ZNF318: variants seen among roughly 807,000 people sequenced by gnomAD.
The protein encoded by ZNF318 is endocrine regulator.
ZNF318 carries 51 observed loss-of-function variants against 124.2 expected under a neutral mutation model. The ratio of observed to expected loss-of-function variants is 0.41; its 90% CI spans 0.33 to 0.52. The LOEUF is 0.52. ZNF318 is among the 20% of genes least tolerant of loss of function. The pLI, the probability that ZNF318 is intolerant of heterozygous loss-of-function variation, is 0.23. For synonymous variants in ZNF318, 1,090 were observed against 1,040.7 expected, an observed-to-expected ratio of 1.05 and a Z score of -0.91; for missense variants, 2,815 against 2,811.2, an observed-to-expected ratio of 1.00 and a Z score of -0.03.
chr6:43,359,076 T>C (rs903971953), intron 2 of ZNF318, among the ~76,000 whole-genome samples: 9 of 152,218 alleles, frequency 5.9e-5, no homozygotes, highest in African/African-American at 1.9e-4. Flanking sequence ...AAACTACTGA[T>C]TTATCTAATT....
intron 4 of ZNF318, among the ~76,000 whole-genome samples, chr6:43,354,104 T>A (rs111628443): frequency 6.7e-6 from 1 of 150,332 alleles, no homozygotes; most frequent in African/African-American, 2.4e-5. Flanking sequence ...TACACACACA[T>A]ACACACACAC....
chr6:43,339,651 A>T lies in ZNF318; in HGVS notation c.4347T>A (p.Pro1449=), dbSNP rs777695132. ...QILPPPPPPP[P]PPPPPPPVIP... ...TAACGGGGGGTGGTGGAGGTGGTGG[A>T]GGTGGGGGTGGTGGAGGAGGTGGTA... The change falls in exon 10 of 10, where the codon CCT becomes CCA. Residue 1449 remains proline, a synonymous_variant. Transcript: ENST00000361428. This position sits in a 1 kb window ranked among gnomAD's most constrained non-coding sequence, Gnocchi z 4.2. The T allele has an allele frequency of 6.0e-4, 349 of 579,428 alleles. 1 individual carries two copies. Among genetic ancestry groups the T allele is most frequent in the Non-Finnish European group, 9.4e-4 (334 of 356,792 alleles). The allele number at this position is 579,428 out of a possible 1,614,324, so 35.9% of individuals were successfully genotyped here.
rs1699866996 is a variant in ZNF318 at position 43,336,148 on chromosome 6, T to C, written c.*1010A>G. On this transcript the variant is annotated 3_prime_UTR_variant, in exon 10 of 10. Transcript: ENST00000361428. ...TTGTCCAAGCCAACTCATAAATTCT[T>C]TAATCTTTTTAACAAAATATACAAC... The C allele has an allele frequency of 6.6e-6, 1 of 152,650 alleles. No homozygotes were observed. The highest frequency in any genetic ancestry group is 6.5e-5 in the Admixed American group (1 of 15,280). The allele number at this position is 152,650 out of a possible 1,614,324, so 9.5% of individuals were successfully genotyped here.
At chr6:43,361,692 A>AT (rs948476134) in intron 2 of ZNF318, among the ~76,000 whole-genome samples, 1 of 152,196 alleles carries the variant, frequency 6.6e-6, no homozygotes. Context: ...GTGTTTTAGA[A>AT]TTTTTCACAT....
chr6:43,355,220 A>G lies in ZNF318; in HGVS notation c.2114T>C (p.Leu705Pro). 1 of 1,614,150 alleles carries G rather than the reference A, an allele frequency of 6.2e-7. No homozygotes were observed. The highest frequency in any genetic ancestry group is 8.5e-7 in the Non-Finnish European group (1 of 1,180,018). Reference protein sequence around the residue: ...HPPSPVDPYLLTKNSPPFLKS... With the variant: ...HPPSPVDPYLPTKNSPPFLKS... ...TAGGAATGGAGGGCTGTTTTTTGTG[A>G]GCAGGTAAGGATCCACAGGAGAAGG... is the stretch of plus-strand genomic sequence containing the variant. The change falls in exon 4 of 10, where the codon CTC becomes CCC. Residue 705 changes from leucine to proline, a missense_variant. Leu to Pro is a moderately conservative substitution (Grantham distance 98). Around this residue, in one of 4 missense-constraint regions of ZNF318, gnomAD observed 1,377 missense variants for 1,353.5 expected, o/e 1.02. Coordinates refer to ENST00000361428, the MANE Select transcript of ZNF318 (RefSeq NM_014345.3).
At chr6:43,350,298 G>A (rs1433374542) in intron 5 of ZNF318, among the ~76,000 whole-genome samples, 1 of 152,022 alleles carries the variant, frequency 6.6e-6, no homozygotes, top group East Asian at 1.9e-4. Context: ...AAAAACGATG[G>A]AGACATATTG....
chr6:43,337,083 C>T lies in ZNF318; in HGVS notation c.*75G>A. 1.5e-6 allele frequency: 2 copies of T among 1,364,188 alleles called. No homozygotes were observed. Among genetic ancestry groups the T allele is most frequent in the Non-Finnish European group, 2.0e-6 (2 of 1,020,156 alleles). 84.5% of individuals were successfully genotyped at this position (1,364,188 alleles called of 1,614,324 possible). On this transcript the variant is annotated 3_prime_UTR_variant, in exon 10 of 10. Coordinates refer to ENST00000361428, the MANE Select transcript of ZNF318 (RefSeq NM_014345.3). ...TGTAGGTTCCAGATGAGATAACAAACTAGTCTTGGATCATCTGGGCATCTG... is the reference window on the plus strand; with the variant it reads ...TGTAGGTTCCAGATGAGATAACAAATTAGTCTTGGATCATCTGGGCATCTG...
At position 43,337,834 on chromosome 6, in the gene ZNF318, T is replaced by TTACA; in HGVS notation, c.6160_6163dup (p.Asn2055MetfsTer2). The TTACA allele has an allele frequency of 6.2e-7, 1 of 1,614,152 alleles. No individual in the cohort carries two copies. The highest frequency in any genetic ancestry group is 8.5e-7 in the Non-Finnish European group (1 of 1,180,020). ...TTCGAAGTCAGCGGGATCGGAGGAATTACACCCTATAGGTGATACAGAATT... is the reference window on the plus strand; with the variant it reads ...TTCGAAGTCAGCGGGATCGGAGGAATTACATACACCCTATAGGTGATACAGAATT... On this transcript the variant is annotated stop_gained and frameshift_variant, in exon 10 of 10. Transcript: ENST00000361428. LOFTEE classifies it high-confidence loss of function.
chr6:43,364,013 A>G (rs959037911), intron 2 of ZNF318: 7 of 742,232 alleles, frequency 9.4e-6, no homozygotes, highest in Non-Finnish European at 1.7e-5. Flanking sequence ...CCTGCGCCCA[A>G]GGGCACTGGC....
intron 2 of ZNF318, among the ~76,000 whole-genome samples, chr6:43,360,399 A>T (rs1779664653): frequency 6.6e-6 from 1 of 152,230 alleles, no homozygotes; most frequent in Non-Finnish European, 1.5e-5. Flanking sequence ...AAGAACCCTA[A>T]AAAGGGTACA....
chr6:43,342,983 C>T, intron 6 of ZNF318, 104 bp from the exon 7 acceptor site: 1 of 874,140 alleles, frequency 1.1e-6, no homozygotes, highest in South Asian at 1.8e-5. Context: ...GGCCATATGA[C>T]CATATTTCCA....
chr6:43,356,716 G>C (rs1182684289), intron 3 of ZNF318, among the ~76,000 whole-genome samples: 4 of 152,126 alleles, frequency 2.6e-5, no homozygotes, highest in African/African-American at 4.8e-5. Context: ...TCCAAAATCA[G>C]AATCATCTGA....
chr6:43,357,765 C>T lies in ZNF318; in HGVS notation c.549G>A (p.Arg183=), dbSNP rs1779630110. 2 of 1,581,208 alleles carry T rather than the reference C, an allele frequency of 1.3e-6. No homozygotes were observed. Among genetic ancestry groups the T allele is most frequent in the African/African-American group, 1.4e-5 (1 of 73,300 alleles). ...AGACAGAATCATCAGTCAGGTCATCCCTGAGGAAAAAGAGAAGCATCATTG... is the reference window on the plus strand; with the variant it reads ...AGACAGAATCATCAGTCAGGTCATCTCTGAGGAAAAAGAGAAGCATCATTG... ...SPVDNLEDMD[R]DDLTDDSVFT... is the part of the protein sequence containing the mutation. Residue 183 remains arginine (R), a splice_region_variant and synonymous_variant, in exon 3 of 10, where the codon AGG becomes AGA. Coordinates refer to ENST00000361428, the MANE Select transcript of ZNF318 (RefSeq NM_014345.3).
Position 43,368,965 on chromosome 6 carries a change from AC to A in ZNF318, c.399+1del. ...GGAGTCCTGGACGAGGGGTGGGATT[AC>A]CCGGCTGCCGCTGTCGCCTGGATGG... On this transcript the variant is annotated splice_donor_variant, in intron 1 of 9. Coordinates refer to ENST00000361428, the MANE Select transcript of ZNF318 (RefSeq NM_014345.3). LOFTEE classifies it high-confidence loss of function. 7.1e-7 allele frequency: 1 copy of A among 1,403,636 alleles called. No homozygotes were observed. 86.9% of individuals were successfully genotyped at this position (1,403,636 alleles called of 1,614,324 possible).
chr6:43,341,654 G>GA (rs11357632), intron 8 of ZNF318, among the ~76,000 whole-genome samples: 5 of 122,400 alleles, frequency 4.1e-5, no homozygotes, highest in African/African-American at 1.2e-4. Context: ...CATCTCAGAG[G>GA]AAAAAAAAAA....
rs370004063 is a variant in ZNF318 at position 43,340,384 on chromosome 6, C to T, written c.3614G>A (p.Ser1205Asn). ...TTTCTTCTCCTCCTTTGGTTTCTCA[C>T]TAAGTTTGCGCTTTAGCTCACTCTG... The part of the protein sequence containing the change: ...RRQSELKRKL[S>N]EKPKEEKKEK... The change falls in exon 10 of 10, where the codon AGT becomes AAT. Residue 1205 changes from serine to asparagine, a missense_variant. Ser to Asn is a conservative substitution (Grantham distance 46). Transcript: ENST00000361428. The T allele has an allele frequency of 7.2e-5, 116 of 1,613,972 alleles. No individual in the cohort carries two copies. The highest frequency in any genetic ancestry group is 5.9e-5 in the Non-Finnish European group (70 of 1,180,030).
chr6:43,350,415 G>C (rs1240946287), intron 5 of ZNF318, among the ~76,000 whole-genome samples: 1 of 152,114 alleles, frequency 6.6e-6, no homozygotes. Context: ...ATCAAATGAA[G>C]AATCCATGAA....
chr6:43,339,927 T>A lies in ZNF318; in HGVS notation c.4071A>T (p.Thr1357=), dbSNP rs142564626. ...KIRPNLPIPS[T]VLRKSCSATM... is the part of the protein sequence containing the mutation. Reference sequence around the variant, plus strand: ...TGGCTGAACATGACTTGCGGAGTACTGTGGATGGAATAGGCAGGTTGGGTC... The same window carrying A: ...TGGCTGAACATGACTTGCGGAGTACAGTGGATGGAATAGGCAGGTTGGGTC... The change falls in exon 10 of 10, where the codon ACA becomes ACT. Residue 1357 remains threonine (T), a synonymous_variant. Coordinates refer to ENST00000361428, the MANE Select transcript of ZNF318 (RefSeq NM_014345.3). This position sits in a 1 kb window ranked among gnomAD's most constrained non-coding sequence, Gnocchi z 4.2. 3.3e-4 allele frequency: 537 copies of A among 1,614,024 alleles called. No homozygotes were observed. Among genetic ancestry groups the A allele is most frequent in the Non-Finnish European group, 4.4e-4 (514 of 1,180,034 alleles).
Position 43,337,611 on chromosome 6 carries a change from C to T in ZNF318, c.6387G>A (p.Leu2129=). The T allele has an allele frequency of 6.2e-7, 1 of 1,614,114 alleles. No individual in the cohort carries two copies. Among genetic ancestry groups the T allele is most frequent in the South Asian group, 1.1e-5 (1 of 91,074 alleles). ...GLEGTHQALD[L]LAGGMMPEEV... ...CCTCAGGCATCATTCCTCCTGCTAA[C>T]AGGTCAAGGGCCTGGTGTGTTCCCT... The change falls in exon 10 of 10, where the codon CTG becomes CTA. Residue 2129 remains leucine (L), a synonymous_variant. Coordinates refer to ENST00000361428, the MANE Select transcript of ZNF318 (RefSeq NM_014345.3).
Sources: gnomAD v4.1 joint callset for allele counts (sites outside exome capture counted in the v4.1 genomes callset) on GRCh38, gnomAD v4.1.1 for gene constraint, gnomAD v4.1.1 regional missense constraint, Gnocchi (gnomAD v3.1) non-coding constraint, MANE v1.5 for transcripts, NCBI Gene and HGNC (gene_info 2026-07-23, HGNC 2026-07-21) for gene names.